ZNRF3: variants seen among roughly 807,000 people sequenced by gnomAD.
The protein encoded by ZNRF3 is zinc and ring finger 3.
Under a neutral mutation model 72.5 loss-of-function variants are expected in ZNRF3, and 23 were observed. That is an observed-to-expected ratio of 0.32 (90% CI 0.23 to 0.45). The LOEUF (loss-of-function observed/expected upper bound fraction) is 0.45, where lower values mean the gene tolerates loss of function less well. ZNRF3 is among the 20% of genes least tolerant of loss of function. ZNRF3 has a pLI of 1.00. For synonymous variants in ZNRF3, 610 were observed against 545.3 expected (o/e 1.12, Z -1.65); for missense variants, 1,169 against 1,272.1 (o/e 0.92, Z 1.23).
At chr22:28,903,793 G>T (rs1490872128) in intron 1 of ZNRF3, among the ~76,000 whole-genome samples, 1 of 152,158 alleles carries the variant, frequency 6.6e-6, no homozygotes, top group Non-Finnish European at 1.5e-5. Flanking sequence ...TTGCCGTCCT[G>T]ATGGAACTTT....
chr22:28,903,749 C>G (rs1300639032), intron 1 of ZNRF3, among the ~76,000 whole-genome samples: 1 of 152,088 alleles, frequency 6.6e-6, no homozygotes, highest in Non-Finnish European at 1.5e-5. Context: ...GCAAGAGGTT[C>G]CACTCCTTCC....
At chr22:28,907,073 C>T (rs2034221212) in intron 1 of ZNRF3, among the ~76,000 whole-genome samples, 1 of 151,574 alleles carries the variant, frequency 6.6e-6, no homozygotes, top group Non-Finnish European at 1.5e-5. Context: ...ACCTCCGCCT[C>T]CCGGGTTCAA....
chr22:29,040,860 A>T lies in ZNRF3; in HGVS notation c.427-1635A>T, dbSNP rs1250615947. Among the ~76,000 whole-genome samples, 5 of 152,174 alleles carry T rather than the reference A, an allele frequency of 3.3e-5. No individual in the cohort carries two copies. The South Asian group carries it at 6.2e-4, about 19-fold the overall frequency. ...TTTGTTGTAAAAGCTATAGGGTGAG[A>T]CTGCCCTCTAGTGGGCCAGTGGAGC... On this transcript the variant is annotated intron_variant, in intron 2 of 8. Transcript: ENST00000544604.
Position 29,044,913 on chromosome 22 carries a change from G to A in ZNRF3, c.744+23G>A, listed in dbSNP as rs143254865. The A allele has an allele frequency of 3.3e-4, 504 of 1,541,924 alleles. 4 individuals are homozygous for A. The East Asian group carries it at 9.8e-3, about 30-fold the overall frequency. On this transcript the variant is annotated intron_variant, in intron 5 of 8. Transcript: ENST00000544604. ...CAGGTAGTGCCTCTGTGTGTAGCCC[G>A]TGAGCAGTAACCCCTCTTGCCGTGA...
intron 2 of ZNRF3, among the ~76,000 whole-genome samples, chr22:29,039,871 A>C (rs1250354030): frequency 6.6e-6 from 1 of 151,086 alleles, no homozygotes; most frequent in Non-Finnish European, 1.5e-5. Context: ...AGGCAGGAGG[A>C]TCATTCGAGG....
Position 29,056,068 on chromosome 22 carries a change from CAATTT to C in ZNRF3, c.*2447_*2451del, listed in dbSNP as rs1163711543. On this transcript the variant is annotated 3_prime_UTR_variant, in exon 9 of 9. Coordinates refer to ENST00000544604, the MANE Select transcript of ZNRF3 (RefSeq NM_001206998.2). ...CTTACAGGTGGTAGAAACAAAAATG[CAATTT>C]TAAAACCTTAAATACCAAATACCAA... The C allele has an allele frequency of 4.0e-5, 6 of 150,552 alleles. No homozygotes were observed. The highest frequency in any genetic ancestry group is 5.9e-5 in the Non-Finnish European group (4 of 67,856). The allele number at this position is 150,552 out of a possible 1,614,324, so 9.3% of individuals were successfully genotyped here.
At chr22:28,893,774 A>G (rs2033938720) in intron 1 of ZNRF3, among the ~76,000 whole-genome samples, 1 of 152,216 alleles carries the variant, frequency 6.6e-6, no homozygotes, top group Non-Finnish European at 1.5e-5. Context: ...CTGGGATTAT[A>G]GGCGTGAGCC....
chr22:28,921,214 GC>G (rs746159957), intron 1 of ZNRF3, among the ~76,000 whole-genome samples: 7 of 151,868 alleles, frequency 4.6e-5, no homozygotes, highest in South Asian at 4.2e-4. Context: ...TAAGTGGGAA[GC>G]CCCCCCCACC....
At chr22:29,013,530 G>A (rs1035050244) in intron 2 of ZNRF3, among the ~76,000 whole-genome samples, 2 of 152,200 alleles carry the variant, frequency 1.3e-5, no homozygotes, top group Non-Finnish European at 2.9e-5. Context: ...CTTGGAACAT[G>A]TGCTGATTAA....
chr22:29,051,678 G>A (rs991004061), intron 8 of ZNRF3, among the ~76,000 whole-genome samples: 9 of 151,374 alleles, frequency 5.9e-5, no homozygotes, highest in Non-Finnish European at 7.4e-5. Context: ...AGGGCAAGGC[G>A]TGTGAATCAC....
intron 2 of ZNRF3, among the ~76,000 whole-genome samples, chr22:29,023,547 A>G (rs2036574108): frequency 6.6e-6 from 1 of 152,160 alleles, no homozygotes; most frequent in Non-Finnish European, 1.5e-5. Flanking sequence ...CATGGGATCC[A>G]TTAACTCCCA....
At chr22:29,026,555 C>T (rs561373922) in intron 2 of ZNRF3, 2 of 152,374 alleles carry the variant, frequency 1.3e-5, no homozygotes, top group South Asian at 2.1e-4. Flanking sequence ...GAAGACCCAT[C>T]TGGAACTTGC....
chr22:29,047,332 A>G lies in ZNRF3; in HGVS notation c.912+449A>G, dbSNP rs139815205. Among the ~76,000 whole-genome samples, 1,104 of 152,324 alleles carry G rather than the reference A, an allele frequency of 7.2e-3. 19 individuals carry two copies. Among genetic ancestry groups the G allele is most frequent in the African/African-American group, 0.026 (1,066 of 41,566 alleles). ...TGTCAGGGGCCTAGAATCATCCATG[A>G]TGAACATTTTGCCACATTTGCTCAC... On this transcript the variant is annotated intron_variant, in intron 6 of 8. Transcript: ENST00000544604.
At chr22:28,955,197 C>T (rs1322547714) in intron 1 of ZNRF3, among the ~76,000 whole-genome samples, 1 of 151,624 alleles carries the variant, frequency 6.6e-6, no homozygotes, top group African/African-American at 2.4e-5. Context: ...CGTGCCACCA[C>T]ACCCAGCTAA....
intron 1 of ZNRF3, among the ~76,000 whole-genome samples, chr22:28,919,655 T>A (rs559271910): frequency 6.7e-6 from 1 of 149,524 alleles, no homozygotes; most frequent in Admixed American, 6.7e-5. Flanking sequence ...TACAGGCGCG[T>A]GCCACCATGC....
chr22:29,007,724 G>T (rs556209487), intron 2 of ZNRF3, among the ~76,000 whole-genome samples: 1 of 141,264 alleles, frequency 7.1e-6, no homozygotes, highest in African/African-American at 2.7e-5. Flanking sequence ...TTATCAGTTT[G>T]CCCCTTTCAT....
chr22:28,937,916 A>G (rs2034871351), intron 1 of ZNRF3, among the ~76,000 whole-genome samples: 1 of 152,222 alleles, frequency 6.6e-6, no homozygotes, highest in African/African-American at 2.4e-5. Flanking sequence ...AAAAGTTGCA[A>G]AGATAGAACA....
Position 29,016,072 on chromosome 22 carries a change from A to C in ZNRF3, c.427-26423A>C, listed in dbSNP as rs910608810. On this transcript the variant is annotated intron_variant, in intron 2 of 8. Transcript: ENST00000544604. Reference sequence around the variant, plus strand: ...GCTTGGCTGATGAAAGTTGTATCTTATACTGTGAACTGAATAATGTTGCAA... The same window carrying C: ...GCTTGGCTGATGAAAGTTGTATCTTCTACTGTGAACTGAATAATGTTGCAA... Among the ~76,000 whole-genome samples, 7 of 151,082 alleles carry C rather than the reference A, an allele frequency of 4.6e-5. No homozygotes were observed. The East Asian group carries it at 1.4e-3, about 29-fold the overall frequency.
Position 28,929,218 on chromosome 22 carries a change from G to C in ZNRF3, c.300+45152G>C, listed in dbSNP as rs550240790. On this transcript the variant is annotated intron_variant, in intron 1 of 8. Transcript: ENST00000544604. ...AACAAGAGGGAAGAAATCAACTATT[G>C]CTTTTGTTTGTTCAAAAGCTGACTT... is the stretch of plus-strand genomic sequence containing the variant. Among the ~76,000 whole-genome samples, 125 of 151,510 alleles carry C rather than the reference G, an allele frequency of 8.3e-4. 2 individuals carry two copies. The South Asian group carries it at 0.022, about 26-fold the overall frequency.
Sources: gnomAD v4.1 joint callset for allele counts (sites outside exome capture counted in the v4.1 genomes callset) on GRCh38, gnomAD v4.1.1 for gene constraint, MANE v1.5 for transcripts, NCBI Gene and HGNC (gene_info 2026-07-23, HGNC 2026-07-21) for gene names.